The following TRPM3 variants were observed in gnomAD, a reference collection of about 807,000 sequenced individuals.
TRPM3 encodes the protein transient receptor potential cation channel subfamily M member 3.
Under a neutral mutation model 181.2 loss-of-function variants are expected in TRPM3, and 77 were observed. That is an observed-to-expected ratio of 0.42 (90% CI 0.35 to 0.51). TRPM3 has a LOEUF of 0.51. Ranked by LOEUF, TRPM3 falls within the 20% of genes least tolerant of loss-of-function variation. TRPM3 has a pLI of 0.01. For synonymous variants in TRPM3, 745 were observed against 796.4 expected (o/e 0.94, Z 1.09); for missense variants, 1,759 against 2,196.7 (o/e 0.80, Z 3.98).
intron 6 of TRPM3, among the ~76,000 whole-genome samples, chr9:70,785,666 G>A (rs575181467): frequency 2.0e-5 from 3 of 152,090 alleles, no homozygotes; most frequent in African/African-American, 7.2e-5. Context: ...TTAGGATTTG[G>A]TTTCTTGCTC....
At chr9:71,044,751 A>G (rs1342667737) in intron 1 of TRPM3, among the ~76,000 whole-genome samples, 4 of 152,002 alleles carry the variant, frequency 2.6e-5, no homozygotes, top group Non-Finnish European at 5.9e-5. Context: ...GGCTCACTGC[A>G]ACCTCCGCCT....
At chr9:71,322,628 C>T (rs935201222) in intron 1 of TRPM3, among the ~76,000 whole-genome samples, 5 of 152,018 alleles carry the variant, frequency 3.3e-5, no homozygotes, top group African/African-American at 1.2e-4. Context: ...TTTTTTCCAA[C>T]TCATATTTTA....
chr9:71,059,557 T>C (rs80338349), intron 1 of TRPM3, among the ~76,000 whole-genome samples: 8,273 of 152,126 alleles, frequency 0.054, 406 homozygotes, highest in African/African-American at 0.13. Context: ...TTAATTTTGC[T>C]GTTGCTGGGA....
At chr9:70,635,488 C>G (rs1465819921) in intron 11 of TRPM3, among the ~76,000 whole-genome samples, 1 of 88,924 alleles carries the variant, frequency 1.1e-5, no homozygotes, top group Non-Finnish European at 2.3e-5. Context: ...TTTTTTGATA[C>G]AGGGTCTTCT....
rs77410703 is a variant in TRPM3 at position 71,235,566 on chromosome 9, G to A, written c.183+211087C>T. On this transcript the variant is annotated intron_variant, in intron 1 of 24. Coordinates refer to the TRPM3 transcript ENST00000357533. Reference sequence around the variant, plus strand: ...GATGGAACAGATAACAATTAAGATAGTGTCTATGTTTTATGAGCTATATCT... The same window carrying A: ...GATGGAACAGATAACAATTAAGATAATGTCTATGTTTTATGAGCTATATCT... 3.0e-4 allele frequency among the ~76,000 whole-genome samples: 46 copies of A among 152,290 alleles called. No homozygotes were observed. In the East Asian group the frequency reaches 8.5e-3, roughly 28 times the overall value.
At chr9:71,350,008 T>TA (rs2091531269) in intron 1 of TRPM3, among the ~76,000 whole-genome samples, 2 of 144,594 alleles carry the variant, frequency 1.4e-5, no homozygotes, top group African/African-American at 5.2e-5. Context: ...TATATGGGCC[T>TA]AAAAAATGAC....
chr9:70,681,125 A>G (rs2065319317), intron 9 of TRPM3, among the ~76,000 whole-genome samples: 1 of 152,086 alleles, frequency 6.6e-6, no homozygotes, highest in African/African-American at 2.4e-5. Flanking sequence ...TTGTGTGTAT[A>G]TATATCACAC....
At chr9:70,811,329 A>C in intron 6 of TRPM3, 2 of 1,144,114 alleles carry the variant, frequency 1.7e-6, no homozygotes, top group Non-Finnish European at 2.5e-6. Context: ...CCCAATTTAC[A>C]TAAATTTATA....
At chr9:70,843,736 T>A (rs2094821063) in intron 4 of TRPM3, among the ~76,000 whole-genome samples, 1 of 152,144 alleles carries the variant, frequency 6.6e-6, no homozygotes, top group South Asian at 2.1e-4. Context: ...CCCATCATAG[T>A]TAAGGGTGAG....
At position 71,211,380 on chromosome 9, in the gene TRPM3, G is replaced by A. The variant is rs114249723; in HGVS notation, c.183+235273C>T. ...GATTGTGTTTTTTTTTTTTTAAATA[G>A]GAAGAGTAGTAACTTTCTCCATGGG... On this transcript the variant is annotated intron_variant, in intron 1 of 24. Transcript: ENST00000357533. Among the ~76,000 whole-genome samples the A allele has an allele frequency of 7.1e-4, 106 of 148,706 alleles. 1 individual carries two copies. Among genetic ancestry groups the A allele is most frequent in the African/African-American group, 2.6e-3 (104 of 40,580 alleles).
At chr9:70,624,986 A>C (rs1429117200) in intron 14 of TRPM3, among the ~76,000 whole-genome samples, 1 of 152,224 alleles carries the variant, frequency 6.6e-6, no homozygotes, top group Non-Finnish European at 1.5e-5. Flanking sequence ...TAAAGGTATA[A>C]AGACCCAAAA....
intron 1 of TRPM3, among the ~76,000 whole-genome samples, chr9:70,888,310 T>C (rs770555488): frequency 4.6e-5 from 7 of 152,014 alleles, no homozygotes; most frequent in Non-Finnish European, 7.4e-5. Flanking sequence ...TTTTAATTTC[T>C]TGTTGGATTA....
At chr9:70,939,259 A>T (rs930374038) in intron 1 of TRPM3, among the ~76,000 whole-genome samples, 1 of 152,176 alleles carries the variant, frequency 6.6e-6, no homozygotes, top group African/African-American at 2.4e-5. Context: ...TATCAAAGTT[A>T]TTGTCTTTAT....
rs1256813268 is a variant in TRPM3 at position 70,923,828 on chromosome 9, C to CTA, written c.178-59319_178-59318dup. Among the ~76,000 whole-genome samples, 239 of 136,038 alleles carry CTA rather than the reference C, an allele frequency of 1.8e-3. 1 individual carries two copies. The highest frequency in any genetic ancestry group is 7.1e-3 in the South Asian group (30 of 4,230). The allele number at this position is 136,038 out of a possible 152,430, so 89.2% of individuals were successfully genotyped here. On this transcript the variant is annotated intron_variant, in intron 1 of 25. Coordinates refer to ENST00000677713, the MANE Select transcript of TRPM3 (RefSeq NM_001366145.2). ...ACTCTCTCTCTCTCTCTCTCTCTCT[C>CTA]TATATATATATATATACACACACAC...
chr9:71,015,342 TC>T (rs1756253002), intron 1 of TRPM3, among the ~76,000 whole-genome samples: 1 of 152,188 alleles, frequency 6.6e-6, no homozygotes, highest in Non-Finnish European at 1.5e-5. Flanking sequence ...TTTTCTATCT[TC>T]CTATTAGTTG....
chr9:71,173,321 T>C (rs1427695844), intron 1 of TRPM3, among the ~76,000 whole-genome samples: 1 of 152,198 alleles, frequency 6.6e-6, no homozygotes, highest in Non-Finnish European at 1.5e-5. Flanking sequence ...TGCTACCATG[T>C]ATGCAGTATT....
At chr9:71,129,645 T>C (rs2074253328) in intron 1 of TRPM3, among the ~76,000 whole-genome samples, 1 of 152,206 alleles carries the variant, frequency 6.6e-6, no homozygotes, top group South Asian at 2.1e-4. Flanking sequence ...CTATAACCCA[T>C]GCTTTTACCC....
chr9:70,634,132 T>C (rs1287931446), intron 12 of TRPM3, among the ~76,000 whole-genome samples: 1 of 152,202 alleles, frequency 6.6e-6, no homozygotes, highest in Non-Finnish European at 1.5e-5. Context: ...AATTTTTTGA[T>C]GGAATCTCAC....
chr9:71,230,810 C>G (rs763963966), intron 1 of TRPM3, among the ~76,000 whole-genome samples: 4 of 152,176 alleles, frequency 2.6e-5, no homozygotes, highest in Non-Finnish European at 5.9e-5. Context: ...TACAGTCAAG[C>G]TTACAAGACT....
Sources: allele counts gnomAD v4.1 joint callset (sites outside exome capture counted in the v4.1 genomes callset), GRCh38; gene constraint gnomAD v4.1.1; transcripts MANE v1.5; gene names NCBI Gene and HGNC (gene_info 2026-07-23, HGNC 2026-07-21).